The following DEXI variants were observed in gnomAD, a reference collection of about 807,000 sequenced individuals.
The protein encoded by DEXI is dexamethasone-induced protein.
Under a neutral mutation model 2.5 loss-of-function variants are expected in DEXI, and 2 were observed. The ratio of observed to expected loss-of-function variants is 0.81; its 90% CI spans 0.33 to 2.55. The LOEUF (loss-of-function observed/expected upper bound fraction) is 2.55. Among genes scored for constraint, DEXI ranks in the 30% most tolerant of loss-of-function variants. DEXI has a pLI of 0.11. For missense variants in DEXI, 108 were observed against 130.3 expected (o/e 0.83, Z 0.83); for synonymous variants, 71 against 68.7 (o/e 1.03, Z -0.17).
intron 1 of DEXI, chr16:10,935,666 A>G (rs1029267635): frequency 1.3e-5 from 2 of 152,260 alleles, no homozygotes; most frequent in Admixed American, 6.5e-5. Context: ...CAAAGTTAAC[A>G]TCGCCAGAAA....
intron 1 of DEXI, chr16:10,932,211 AG>A (rs2040826830): frequency 6.6e-6 from 1 of 152,246 alleles, no homozygotes; most frequent in Non-Finnish European, 1.5e-5. Flanking sequence ...TGGCTATTAG[AG>A]ATCAACCCCT....
In DEXI at chr16:10,938,111, C is replaced by T. The variant is rs1567468810; in HGVS notation, c.*149+3458G>A. 6.6e-6 allele frequency: 1 copy of T among 152,214 alleles called. No individual in the cohort carries two copies. The highest frequency in any genetic ancestry group is 1.5e-5 in the Non-Finnish European group (1 of 68,040). The allele number at this position is 152,214 out of a possible 1,614,324, so 9.4% of individuals were successfully genotyped here. ...ATATGAGTGGTTAATATTAATACAT[C>T]TCTTACTATATACAAGGAGATCTAA... is the stretch of plus-strand genomic sequence containing the variant. On this transcript the variant is annotated intron_variant, in intron 1 of 1. Coordinates refer to ENST00000331808, the MANE Select transcript of DEXI (RefSeq NM_014015.4). The surrounding 1 kb of genome is among the most constrained non-coding windows in gnomAD (Gnocchi z 4.9).
In DEXI at chr16:10,939,229, C is replaced by T. The variant is rs2041068787; in HGVS notation, c.*149+2340G>A. The T allele has an allele frequency of 6.6e-6, 1 of 152,276 alleles. No homozygotes were observed. The highest frequency in any genetic ancestry group is 2.4e-5 in the African/African-American group (1 of 41,454). 9.4% of individuals were successfully genotyped at this position (152,276 alleles called of 1,614,324 possible). On this transcript the variant is annotated intron_variant, in intron 1 of 1. Coordinates refer to ENST00000331808, the MANE Select transcript of DEXI (RefSeq NM_014015.4). This position sits in a 1 kb window ranked among gnomAD's most constrained non-coding sequence, Gnocchi z 4.9. Reference sequence around the variant, plus strand: ...TTCTCTATCTTCACTAAACTCCCCTCATCCAAGCCTCTGTCACCTCTGGCC... The same window carrying T: ...TTCTCTATCTTCACTAAACTCCCCTTATCCAAGCCTCTGTCACCTCTGGCC...
intron 1 of DEXI, chr16:10,931,783 C>G (rs988450746): frequency 6.6e-6 from 1 of 152,194 alleles, no homozygotes; most frequent in African/African-American, 2.4e-5. Context: ...CCCAGCTACT[C>G]GGGAGGCTGA....
Position 10,941,949 on chromosome 16 carries a change from G to A in DEXI, c.57C>T (p.Tyr19=). 1 of 1,575,672 alleles carries A rather than the reference G, an allele frequency of 6.3e-7. No homozygotes were observed. Among genetic ancestry groups the A allele is most frequent in the Non-Finnish European group, 8.6e-7 (1 of 1,161,754 alleles). The change falls in exon 1 of 2, where the codon TAC becomes TAT. Residue 19 remains tyrosine, a synonymous_variant. Coordinates refer to ENST00000331808, the MANE Select transcript of DEXI (RefSeq NM_014015.4). This position sits in a 1 kb window ranked among gnomAD's most constrained non-coding sequence, Gnocchi z 6.4. ...TAGAGGGCAGCAGCGGCGGCGGCAC[G>A]TAGGGGACCAGGGGGCCCAGTGCGT... The part of the protein sequence containing the change: ...HLDALGPLVP[Y]VPPPLLPSMF...
At position 10,942,059 on chromosome 16, in the gene DEXI, G is replaced by A. The variant is rs952050828; in HGVS notation, c.-54C>T. Reference sequence around the variant, plus strand: ...CGATCCCGGCGAACTCAGCCGCTGCGGCGCCCGGGCGGCCGGCGAGGGCAC... The same window carrying A: ...CGATCCCGGCGAACTCAGCCGCTGCAGCGCCCGGGCGGCCGGCGAGGGCAC... On this transcript the variant is annotated 5_prime_UTR_variant, in exon 1 of 2. Coordinates refer to ENST00000331808, the MANE Select transcript of DEXI (RefSeq NM_014015.4). This position sits in a 1 kb window ranked among gnomAD's most constrained non-coding sequence, Gnocchi z 5.0. 5.4e-5 allele frequency: 71 copies of A among 1,324,176 alleles called. No individual in the cohort carries two copies. Among genetic ancestry groups the A allele is most frequent in the Non-Finnish European group, 4.4e-5 (46 of 1,038,066 alleles). 82.0% of individuals were successfully genotyped at this position (1,324,176 alleles called of 1,614,324 possible).
chr16:10,930,977 A>C (rs1350726803), intron 1 of DEXI: 1 of 152,282 alleles, frequency 6.6e-6, no homozygotes, highest in Admixed American at 6.5e-5. Context: ...GAGATCTCCA[A>C]GGCCTGTGGT....
chr16:10,937,897 G>A lies in DEXI; in HGVS notation c.*149+3672C>T, dbSNP rs955398607. On this transcript the variant is annotated intron_variant, in intron 1 of 1. Coordinates refer to ENST00000331808, the MANE Select transcript of DEXI (RefSeq NM_014015.4). This position sits in a 1 kb window ranked among gnomAD's most constrained non-coding sequence, Gnocchi z 4.2. ...CAGGGCAGCAAGAAAGTTCTCCTAA[G>A]GGTCCTGGGGCTGGGAAGGCAGAGT... is the stretch of plus-strand genomic sequence containing the variant. The A allele has an allele frequency of 1.3e-5, 2 of 152,260 alleles. No homozygotes were observed. The highest frequency in any genetic ancestry group is 2.9e-5 in the Non-Finnish European group (2 of 68,080). The allele number at this position is 152,260 out of a possible 1,614,324, so 9.4% of individuals were successfully genotyped here.
chr16:10,929,661 G>T lies in DEXI; in HGVS notation c.*150-102C>A, dbSNP rs1287978848. The T allele has an allele frequency of 5.7e-6, 4 of 702,666 alleles. No individual in the cohort carries two copies. The highest frequency in any genetic ancestry group is 7.0e-6 in the Non-Finnish European group (4 of 571,810). 43.5% of individuals were successfully genotyped at this position (702,666 alleles called of 1,614,324 possible). A position where few individuals can be genotyped will look rare whatever the true frequency, so the allele number is the denominator to read the frequency against. ...ATCCACCAGGCTCGGGAGGCTTGGG[G>T]TGGGGCAGGGAAGTCTTCCTCCATC... On this transcript the variant is annotated intron_variant, in intron 1 of 1. Coordinates refer to ENST00000331808, the MANE Select transcript of DEXI (RefSeq NM_014015.4). The surrounding 1 kb of genome is among the most constrained non-coding windows in gnomAD (Gnocchi z 4.3).
Position 10,941,628 on chromosome 16 carries a change from C to A in DEXI, c.*90G>T. The A allele has an allele frequency of 6.6e-6, 10 of 1,522,370 alleles. No individual in the cohort carries two copies. The highest frequency in any genetic ancestry group is 8.8e-6 in the Non-Finnish European group (10 of 1,135,956). The allele number at this position is 1,522,370 out of a possible 1,614,324, so 94.3% of individuals were successfully genotyped here. On this transcript the variant is annotated 3_prime_UTR_variant, in exon 1 of 2. Coordinates refer to ENST00000331808, the MANE Select transcript of DEXI (RefSeq NM_014015.4). This position sits in a 1 kb window ranked among gnomAD's most constrained non-coding sequence, Gnocchi z 6.4. ...GAACCATCCCCGTCCAGATGGTGCCCCCAACCAGCTGCGGCGGCATGATCT... is the reference window on the plus strand; with the variant it reads ...GAACCATCCCCGTCCAGATGGTGCCACCAACCAGCTGCGGCGGCATGATCT...
In DEXI at chr16:10,938,369, GA is replaced by G. The variant is rs113861458; in HGVS notation, c.*149+3199del. ...GAATTATGTGGGTCCACACATAAGAGAAAAAAAAAAAAAAGAGGGAGCAAAA... is the reference window on the plus strand; with the variant it reads ...GAATTATGTGGGTCCACACATAAGAGAAAAAAAAAAAAAGAGGGAGCAAAA... On this transcript the variant is annotated intron_variant, in intron 1 of 1. Coordinates refer to ENST00000331808, the MANE Select transcript of DEXI (RefSeq NM_014015.4). This position sits in a 1 kb window ranked among gnomAD's most constrained non-coding sequence, Gnocchi z 4.9. 0.15 allele frequency: 19,857 copies of G among 128,878 alleles called. 1,270 individuals carry two copies. The highest frequency in any genetic ancestry group is 0.19 in the East Asian group (850 of 4,560). 8.0% of individuals were successfully genotyped at this position (128,878 alleles called of 1,614,324 possible).
chr16:10,941,456 G>T lies in DEXI; in HGVS notation c.*149+113C>A. On this transcript the variant is annotated intron_variant, in intron 1 of 1. Coordinates refer to ENST00000331808, the MANE Select transcript of DEXI (RefSeq NM_014015.4). The surrounding 1 kb of genome is among the most constrained non-coding windows in gnomAD (Gnocchi z 6.4). ...TCCTGGCATCCAGTTAGACCTGGAG[G>T]AGGTGAACGGAGGAGAAGCCTGAGG... The T allele has an allele frequency of 9.3e-7, 1 of 1,073,790 alleles. No homozygotes were observed. Among genetic ancestry groups the T allele is most frequent in the Non-Finnish European group, 1.2e-6 (1 of 820,022 alleles). The allele number at this position is 1,073,790 out of a possible 1,614,324, so 66.5% of individuals were successfully genotyped here. A position where few individuals can be genotyped will look rare whatever the true frequency, so the allele number is the denominator to read the frequency against.
chr16:10,931,277 A>T (rs2040778742), intron 1 of DEXI: 1 of 152,708 alleles, frequency 6.5e-6, no homozygotes, highest in South Asian at 2.1e-4. Context: ...GTGCCCCTGC[A>T]CCCAGCCTGG....
At position 10,940,401 on chromosome 16, in the gene DEXI, C is replaced by G. The variant is rs894389772; in HGVS notation, c.*149+1168G>C. ...CACCCTCTGCCTGTGGTTGTCTTGG[C>G]AAAGCCAGGTAATGCAGGAGAGGGG... is the stretch of plus-strand genomic sequence containing the variant. On this transcript the variant is annotated intron_variant, in intron 1 of 1. Transcript: ENST00000331808. The surrounding 1 kb of genome is among the most constrained non-coding windows in gnomAD (Gnocchi z 4.2). 1 of 152,258 alleles carries G rather than the reference C, an allele frequency of 6.6e-6. No individual in the cohort carries two copies. Among genetic ancestry groups the G allele is most frequent in the African/African-American group, 2.4e-5 (1 of 41,462 alleles). 9.4% of individuals were successfully genotyped at this position (152,258 alleles called of 1,614,324 possible).
chr16:10,933,483 C>A (rs1023395974), intron 1 of DEXI: 1 of 152,316 alleles, frequency 6.6e-6, no homozygotes. Context: ...TGTGGTTCTG[C>A]CCCTTCCTGG....
rs945755624 is a variant in DEXI at position 10,942,112 on chromosome 16, G to C, written c.-107C>G. 2 of 864,714 alleles carry C rather than the reference G, an allele frequency of 2.3e-6. No individual in the cohort carries two copies. Among genetic ancestry groups the C allele is most frequent in the African/African-American group, 3.6e-5 (2 of 55,300 alleles). 53.6% of individuals were successfully genotyped at this position (864,714 alleles called of 1,614,324 possible). ...CGCAGCCATCCAGGGGTACCCTGGA[G>C]CCCGACAGAAGCAGGGCCGGGCTCC... On this transcript the variant is annotated 5_prime_UTR_variant, in exon 1 of 2. Coordinates refer to ENST00000331808, the MANE Select transcript of DEXI (RefSeq NM_014015.4). The surrounding 1 kb of genome is among the most constrained non-coding windows in gnomAD (Gnocchi z 5.0).
At position 10,940,691 on chromosome 16, in the gene DEXI, C is replaced by G. The variant is rs1406872228; in HGVS notation, c.*149+878G>C. The G allele has an allele frequency of 6.6e-6, 1 of 152,358 alleles. No individual in the cohort carries two copies. Among genetic ancestry groups the G allele is most frequent in the Non-Finnish European group, 1.5e-5 (1 of 68,144 alleles). The allele number at this position is 152,358 out of a possible 1,614,324, so 9.4% of individuals were successfully genotyped here. A position where few individuals can be genotyped will look rare whatever the true frequency, so the allele number is the denominator to read the frequency against. ...CTGCCTCTCTTCCTTGTGACTATGA[C>G]CAAGTCTTACTCCTTCCTGGACCTT... is the stretch of plus-strand genomic sequence containing the variant. On this transcript the variant is annotated intron_variant, in intron 1 of 1. Transcript: ENST00000331808. The surrounding 1 kb of genome is among the most constrained non-coding windows in gnomAD (Gnocchi z 4.2).
intron 1 of DEXI, chr16:10,935,864 G>C (rs2081075079): frequency 6.6e-6 from 1 of 152,212 alleles, no homozygotes; most frequent in African/African-American, 2.4e-5. Flanking sequence ...TCACAAGAGA[G>C]AAAGACAGAC....
intron 1 of DEXI, chr16:10,931,203 T>C (rs113207029): frequency 0.016 from 2,400 of 148,904 alleles, 64 homozygotes; most frequent in African/African-American, 0.056. Flanking sequence ...TCTCAGCTAC[T>C]TGGAAGGCTG....
Sources: gnomAD v4.1 joint callset for allele counts on GRCh38, gnomAD v4.1.1 for gene constraint, Gnocchi (gnomAD v3.1) non-coding constraint, MANE v1.5 for transcripts, NCBI Gene and HGNC (gene_info 2026-07-23, HGNC 2026-07-21) for gene names.